FHOD3: variants seen among roughly 807,000 people sequenced by gnomAD.
The protein encoded by FHOD3 is formin homology 2 domain containing 3.
In FHOD3, 90 loss-of-function variants were observed where a neutral mutation model predicts 173.0. The observed-to-expected ratio is 0.52, with a 90% CI of 0.44 to 0.62. FHOD3 has a LOEUF of 0.62. Ranked by LOEUF, FHOD3 falls within the 20% of genes least tolerant of loss-of-function variation. The pLI, the probability that FHOD3 is intolerant of heterozygous loss-of-function variation, is 0.00. For missense variants in FHOD3, 1,945 were observed against 2,034.7 expected (o/e 0.96, Z 0.85); for synonymous variants, 828 against 823.0 (o/e 1.01, Z -0.10).
At chr18:36,536,287 A>G (rs184252338) in intron 5 of FHOD3, among the ~76,000 whole-genome samples, 1 of 152,344 alleles carries the variant, frequency 6.6e-6, no homozygotes, top group Admixed American at 6.5e-5. Flanking sequence ...CTGGTCTTAT[A>G]CAAATACAAT....
At chr18:36,620,775 T>C (rs182123275) in intron 9 of FHOD3, among the ~76,000 whole-genome samples, 60 of 152,382 alleles carry the variant, frequency 3.9e-4, no homozygotes, top group Admixed American at 7.2e-4. Flanking sequence ...ATCCTTTAGA[T>C]AGCTGGCAGA....
chr18:36,615,919 A>C (rs1260134981), intron 9 of FHOD3, among the ~76,000 whole-genome samples: 1 of 152,210 alleles, frequency 6.6e-6, no homozygotes, highest in East Asian at 1.9e-4. Flanking sequence ...ACTGGGCCCA[A>C]CATATTTGCT....
chr18:36,361,120 T>C (rs1369716841), intron 2 of FHOD3, among the ~76,000 whole-genome samples: 1 of 152,128 alleles, frequency 6.6e-6, no homozygotes, highest in Non-Finnish European at 1.5e-5. Flanking sequence ...GTGTGTTGGC[T>C]GAAGCCTTGT....
intron 16 of FHOD3, among the ~76,000 whole-genome samples, chr18:36,690,062 A>G (rs940482454): frequency 6.6e-6 from 1 of 152,146 alleles, no homozygotes; most frequent in East Asian, 1.9e-4. Context: ...GAGCCGCAGT[A>G]CCAGCCCTGC....
intron 3 of FHOD3, among the ~76,000 whole-genome samples, chr18:36,488,539 C>G (rs562859599): frequency 2.0e-5 from 3 of 152,134 alleles, no homozygotes; most frequent in African/African-American, 7.2e-5. Context: ...AAGGACTGGA[C>G]TATTCACTGT....
At chr18:36,741,870 G>A (rs1166210894) in intron 21 of FHOD3, among the ~76,000 whole-genome samples, 1 of 151,970 alleles carries the variant, frequency 6.6e-6, no homozygotes, top group African/African-American at 2.4e-5. Context: ...TGGTGGGTTT[G>A]GGGGACTTTA....
At position 36,644,100 on chromosome 18, in the gene FHOD3, A is replaced by C. The variant is rs1206151623; in HGVS notation, c.1197-5216A>C. On this transcript the variant is annotated intron_variant, in intron 10 of 28. Transcript: ENST00000590592. ...TCTGGGTTGCTTTTCCAACTTGAAA[A>C]CGGTGACCTCAAATCTGGGACTGTT... Among the ~76,000 whole-genome samples the C allele has an allele frequency of 3.9e-5, 6 of 152,104 alleles. No homozygotes were observed. The East Asian group carries it at 1.2e-3, about 29-fold the overall frequency.
rs776238928 is a variant in FHOD3, at chr18:36,740,849, T to G, written c.3759+11T>G. ...GAAACTACAGAAAAGGTAAGCTCTC[T>G]GTAAGAGAGGCCGCTGATCCCACAT... On this transcript the variant is annotated intron_variant, in intron 21 of 28. Transcript: ENST00000590592. 11 of 1,602,520 alleles carry G rather than the reference T, an allele frequency of 6.9e-6. No individual in the cohort carries two copies. The highest frequency in any genetic ancestry group is 6.8e-6 in the Non-Finnish European group (8 of 1,176,262).
intron 5 of FHOD3, among the ~76,000 whole-genome samples, chr18:36,523,944 C>G (rs2146648404): frequency 6.6e-6 from 1 of 152,246 alleles, no homozygotes; most frequent in South Asian, 2.1e-4. Flanking sequence ...TAGACCCCAG[C>G]CAAGTCATTG....
intron 3 of FHOD3, among the ~76,000 whole-genome samples, chr18:36,418,059 C>G (rs1198185959): frequency 6.6e-6 from 1 of 152,180 alleles, no homozygotes; most frequent in African/African-American, 2.4e-5. Flanking sequence ...TCACGAGGTG[C>G]AATCATAGTG....
At chr18:36,421,602 T>C (rs2049989266) in intron 3 of FHOD3, among the ~76,000 whole-genome samples, 1 of 152,244 alleles carries the variant, frequency 6.6e-6, no homozygotes, top group Non-Finnish European at 1.5e-5. Flanking sequence ...AGGTGACATA[T>C]ACTGTTGAAA....
At chr18:36,628,170 C>A (rs775187820) in intron 10 of FHOD3, among the ~76,000 whole-genome samples, 1 of 152,172 alleles carries the variant, frequency 6.6e-6, no homozygotes, top group Non-Finnish European at 1.5e-5. Context: ...TTAACTCTCA[C>A]GATCATCCTC....
At chr18:36,710,587 T>C (rs1037634758) in intron 18 of FHOD3, 1 of 152,232 alleles carries the variant, frequency 6.6e-6, no homozygotes, top group Admixed American at 6.5e-5. Flanking sequence ...TACTAGATTT[T>C]ATGCTTTATA....
chr18:36,700,097 C>T (rs987585988), intron 17 of FHOD3, among the ~76,000 whole-genome samples: 9 of 152,180 alleles, frequency 5.9e-5, no homozygotes, highest in African/African-American at 9.7e-5. Context: ...CTTTTCACTA[C>T]GTGGTGGGTT....
intron 3 of FHOD3, among the ~76,000 whole-genome samples, chr18:36,389,691 G>A (rs1323340012): frequency 3.9e-5 from 6 of 152,076 alleles, no homozygotes; most frequent in Admixed American, 3.9e-4. Flanking sequence ...TTTGAGGTGG[G>A]TGCATCTCAA....
intron 14 of FHOD3, among the ~76,000 whole-genome samples, chr18:36,677,933 T>G (rs2037969910): frequency 6.6e-6 from 1 of 152,240 alleles, no homozygotes; most frequent in South Asian, 2.1e-4. Flanking sequence ...TATTATTAGT[T>G]AAGTAATTTC....
At chr18:36,772,277 T>A (rs1413537492) in intron 28 of FHOD3, among the ~76,000 whole-genome samples, 1 of 152,208 alleles carries the variant, frequency 6.6e-6, no homozygotes, top group African/African-American at 2.4e-5. Context: ...AAGGGAGAAG[T>A]TAGACTTTGA....
intron 3 of FHOD3, among the ~76,000 whole-genome samples, chr18:36,488,817 A>T (rs1378852537): frequency 6.6e-6 from 1 of 152,214 alleles, no homozygotes; most frequent in Admixed American, 6.5e-5. Context: ...AGGCCATGGC[A>T]CAGTGGTGCC....
chr18:36,468,851 G>T (rs2035977780), intron 3 of FHOD3, among the ~76,000 whole-genome samples: 1 of 152,174 alleles, frequency 6.6e-6, no homozygotes, highest in African/African-American at 2.4e-5. Context: ...GAGCTAGCAA[G>T]GGTGCAGGCA....
Sources: allele counts gnomAD v4.1 joint callset (sites outside exome capture counted in the v4.1 genomes callset), GRCh38; gene constraint gnomAD v4.1.1; transcripts MANE v1.5; gene names NCBI Gene and HGNC (gene_info 2026-07-23, HGNC 2026-07-21).